Variants in WSB2 observed in about 807,000 individuals in gnomAD.
The protein encoded by WSB2 is WD repeat and SOCS box-containing protein 2.
Under a neutral mutation model 48.8 loss-of-function variants are expected in WSB2, and 12 were observed. The ratio of observed to expected loss-of-function variants is 0.25; its 90% CI spans 0.16 to 0.40. The LOEUF is 0.40. WSB2 is among the 10% of genes least tolerant of loss of function. The pLI, the probability that WSB2 is intolerant of heterozygous loss-of-function variation, is 1.00. For missense variants in WSB2, 317 were observed against 506.2 expected (o/e 0.63, Z 3.59); for synonymous variants, 191 against 203.1 (o/e 0.94, Z 0.51).
chr12:118,038,106 G>A, intron 5 of WSB2, 182 bp downstream of exon 5: 1 of 486,118 alleles, frequency 2.1e-6, no homozygotes. Flanking sequence ...AATCCCTCCT[G>A]TCTTTGGGTT....
Position 118,036,427 on chromosome 12 carries a change from G to A in WSB2, c.744C>T (p.Ser248=), listed in dbSNP as rs147050380. 4.0e-5 allele frequency: 64 copies of A among 1,614,210 alleles called. No homozygotes were observed. The East Asian group carries it at 1.0e-3, about 26-fold the overall frequency. The change falls in exon 6 of 9, where the codon TCC becomes TCT. Residue 248 remains serine, a synonymous_variant. Coordinates refer to ENST00000315436, the MANE Select transcript of WSB2 (RefSeq NM_018639.5). ...HQSSVVSCDF[S]PDSALLVTAS... Reference sequence around the variant, plus strand: ...CCGTGACAAGCAGGGCAGAGTCGGGGGAGAAGTCACAAGAGACAACACTGC... The same window carrying A: ...CCGTGACAAGCAGGGCAGAGTCGGGAGAGAAGTCACAAGAGACAACACTGC...
At position 118,036,095 on chromosome 12, in the gene WSB2, G is replaced by A. The variant is rs140555955; in HGVS notation, c.833+243C>T. 1.3e-4 allele frequency: 43 copies of A among 338,944 alleles called. No individual in the cohort carries two copies. The East Asian group carries it at 2.0e-3, about 16-fold the overall frequency. 21.0% of individuals were successfully genotyped at this position (338,944 alleles called of 1,614,324 possible). A position where few individuals can be genotyped will look rare whatever the true frequency, so the allele number is the denominator to read the frequency against. The stretch of plus-strand genomic sequence containing the variant: ...CGCACGCTTGTAGTCCTAGCTACTC[G>A]GGAGGCTCAGGCAGCAGAATCGCTT... On this transcript the variant is annotated intron_variant, in intron 6 of 8. Transcript: ENST00000315436.
At chr12:118,052,614 A>T in intron 1 of WSB2, 136 bp from the exon 2 acceptor site, 1 of 1,384,752 alleles carries the variant, frequency 7.2e-7, no homozygotes, top group Non-Finnish European at 9.8e-7. Context: ...TAAATGACCC[A>T]GGGCAATAAC....
In WSB2 at chr12:118,034,617, C is replaced by A. The variant is rs75791403; in HGVS notation, c.1053-259G>T. 21,296 of 493,060 alleles carry A rather than the reference C, an allele frequency of 0.043. 692 individuals are homozygous for A. The highest frequency in any genetic ancestry group is 0.083 in the South Asian group (2,725 of 32,738). The allele number at this position is 493,060 out of a possible 1,614,324, so 30.5% of individuals were successfully genotyped here. Reference sequence around the variant, plus strand: ...TCGGCACAGCCCTTTCTAAATCTGACCACAGTTAGTTCAAAAGTATAAGGG... The same window carrying A: ...TCGGCACAGCCCTTTCTAAATCTGAACACAGTTAGTTCAAAAGTATAAGGG... On this transcript the variant is annotated intron_variant, in intron 8 of 8. Transcript: ENST00000315436.
At chr12:118,040,115 A>G (rs2031597869) in intron 4 of WSB2, among the ~76,000 whole-genome samples, 1 of 151,998 alleles carries the variant, frequency 6.6e-6, no homozygotes, top group Non-Finnish European at 1.5e-5. Flanking sequence ...AGAGGCTACA[A>G]TAAGCCGAGA....
At chr12:118,054,307 C>T (rs186886281) in intron 1 of WSB2, among the ~76,000 whole-genome samples, 109 of 151,718 alleles carry the variant, frequency 7.2e-4, no homozygotes, top group African/African-American at 2.4e-3. Flanking sequence ...AGGAGAAGCA[C>T]TTGAACCCAG....
intron 1 of WSB2, among the ~76,000 whole-genome samples, chr12:118,055,202 G>C (rs1192886517): frequency 6.6e-6 from 1 of 152,122 alleles, no homozygotes; most frequent in Non-Finnish European, 1.5e-5. Context: ...CTGGGGGCTA[G>C]TTTGCCCCTT....
At position 118,034,034 on chromosome 12, in the gene WSB2, A is replaced by C; in HGVS notation, c.*162T>G. ...ACTTTCACATGCCAGGGAGAGAAAG[A>C]TCCATGACTAGTACACTGGAATCTG... On this transcript the variant is annotated 3_prime_UTR_variant, in exon 9 of 9. Transcript: ENST00000315436. 1 of 922,544 alleles carries C rather than the reference A, an allele frequency of 1.1e-6. No individual in the cohort carries two copies. Among genetic ancestry groups the C allele is most frequent in the Non-Finnish European group, 1.6e-6 (1 of 607,068 alleles). The allele number at this position is 922,544 out of a possible 1,614,324, so 57.1% of individuals were successfully genotyped here.
intron 2 of WSB2, among the ~76,000 whole-genome samples, chr12:118,048,594 A>G (rs993572153): frequency 1.3e-5 from 2 of 152,036 alleles, no homozygotes; most frequent in African/African-American, 4.8e-5. Context: ...AAAAAAAAAA[A>G]AAATGTGATT....
rs1235537970 is a variant in WSB2 at position 118,060,490 on chromosome 12, C to G, written c.13+546G>C. ...TCAATAGGGAACCCAGACCCCAGACCCCATTTTTACCGGGTCCCAGCCACC... is the reference window on the plus strand; with the variant it reads ...TCAATAGGGAACCCAGACCCCAGACGCCATTTTTACCGGGTCCCAGCCACC... On this transcript the variant is annotated intron_variant, in intron 1 of 8. Coordinates refer to ENST00000315436, the MANE Select transcript of WSB2 (RefSeq NM_018639.5). The surrounding 1 kb of genome is among the most constrained non-coding windows in gnomAD (Gnocchi z 4.1). Among the ~76,000 whole-genome samples the G allele has an allele frequency of 6.6e-6, 1 of 152,104 alleles. No individual in the cohort carries two copies. The highest frequency in any genetic ancestry group is 1.5e-5 in the Non-Finnish European group (1 of 68,020).
chr12:118,057,873 C>G lies in WSB2; in HGVS notation c.13+3163G>C, dbSNP rs919420649. ...ACCCAGATTCAAGTGATCCTCCCGC[C>G]TCAGCCTCCTGTGTATCGGGCTACG... On this transcript the variant is annotated intron_variant, in intron 1 of 8. Coordinates refer to ENST00000315436, the MANE Select transcript of WSB2 (RefSeq NM_018639.5). Among the ~76,000 whole-genome samples, 34 of 151,364 alleles carry G rather than the reference C, an allele frequency of 2.2e-4. 1 individual carries two copies. The highest frequency in any genetic ancestry group is 8.3e-4 in the African/African-American group (34 of 41,168).
chr12:118,045,454 T>C (rs1214328113), intron 2 of WSB2, among the ~76,000 whole-genome samples: 1 of 151,762 alleles, frequency 6.6e-6, no homozygotes, highest in East Asian at 1.9e-4. Flanking sequence ...TTCCAGCAAT[T>C]TGGGAGGCTG....
At chr12:118,062,126 T>C, upstream of WSB2, 1 of 1,535,056 alleles carries the variant, frequency 6.5e-7, no homozygotes. Flanking sequence ...CCTGTCCCCG[T>C]CCCCCTGAGA....
intron 1 of WSB2, among the ~76,000 whole-genome samples, chr12:118,052,849 A>C (rs2137793713): frequency 6.6e-6 from 1 of 152,300 alleles, no homozygotes; most frequent in South Asian, 2.1e-4. Context: ...AATGCATTTC[A>C]GGTTTCTTCA....
intron 4 of WSB2, among the ~76,000 whole-genome samples, chr12:118,039,628 G>A (rs1391606979): frequency 6.6e-6 from 1 of 152,116 alleles, no homozygotes; most frequent in African/African-American, 2.4e-5. Context: ...GGGAAGGAAA[G>A]AGCCAAGCAA....
intron 4 of WSB2, among the ~76,000 whole-genome samples, chr12:118,038,837 C>T (rs370303911): frequency 1.3e-5 from 2 of 152,068 alleles, no homozygotes; most frequent in South Asian, 2.1e-4. Context: ...TGTGCCACTG[C>T]GCCCAGCTCA....
At chr12:118,044,932 A>G (rs1051445982) in intron 2 of WSB2, among the ~76,000 whole-genome samples, 1 of 152,236 alleles carries the variant, frequency 6.6e-6, no homozygotes, top group African/African-American at 2.4e-5. Context: ...ATGCATACGT[A>G]GTTGAACATC....
In WSB2 at chr12:118,054,070, G is replaced by A. The variant is rs1566142578; in HGVS notation, c.14-1592C>T. Among the ~76,000 whole-genome samples the A allele has an allele frequency of 2.0e-5, 3 of 151,994 alleles. No individual in the cohort carries two copies. The East Asian group carries it at 5.8e-4, about 29-fold the overall frequency. On this transcript the variant is annotated intron_variant, in intron 1 of 8. Coordinates refer to ENST00000315436, the MANE Select transcript of WSB2 (RefSeq NM_018639.5). ...AAACAGATGGTAGAGATGCATATGT[G>A]TATATTTATAAAATATTTTTGCCAG...
chr12:118,054,934 T>G (rs1367734725), intron 1 of WSB2, among the ~76,000 whole-genome samples: 3 of 150,350 alleles, frequency 2.0e-5, no homozygotes, highest in Admixed American at 1.3e-4. Flanking sequence ...ATCCTAGCAC[T>G]TTGGTAGGCC....
Sources: allele counts gnomAD v4.1 joint callset (sites outside exome capture counted in the v4.1 genomes callset), GRCh38; gene constraint gnomAD v4.1.1; non-coding constraint Gnocchi (gnomAD v3.1); transcripts MANE v1.5; gene names NCBI Gene and HGNC (gene_info 2026-07-23, HGNC 2026-07-21).